Variants in HMGXB3 observed in about 807,000 individuals in gnomAD.
HMGXB3 encodes HMG-box containing 3.
Under a neutral mutation model 121.5 loss-of-function variants are expected in HMGXB3, and 45 were observed. That is an observed-to-expected ratio of 0.37 (90% CI 0.29 to 0.47). The LOEUF (loss-of-function observed/expected upper bound fraction) is 0.47, where lower values mean the gene tolerates loss of function less well. Among genes scored for constraint, HMGXB3 ranks in the 20% least tolerant of loss-of-function variants. HMGXB3 has a pLI of 0.99. For missense variants in HMGXB3, 1,376 were observed against 1,602.2 expected, an observed-to-expected ratio of 0.86 and a Z score of 2.41; for synonymous variants, 590 against 624.1, an observed-to-expected ratio of 0.95 and a Z score of 0.81.
chr5:150,045,145 T>C (rs1426450439), intron 15 of HMGXB3, among the ~76,000 whole-genome samples: 1 of 152,224 alleles, frequency 6.6e-6, no homozygotes, highest in Non-Finnish European at 1.5e-5. Flanking sequence ...TTACAAAGTG[T>C]CTGGCACATA....
intron 12 of HMGXB3, 39 bp from the exon 13 acceptor site, chr5:150,037,361 T>TC: frequency 6.7e-7 from 1 of 1,496,272 alleles, no homozygotes; most frequent in Non-Finnish European, 9.0e-7. Flanking sequence ...GAAGTCTCTT[T>TC]CCCTTCTTTT....
At position 150,052,358 on chromosome 5, in the gene HMGXB3, G is replaced by T. The variant is rs1480252319; in HGVS notation, c.*166G>T. 1.6e-6 allele frequency: 1 copy of T among 627,228 alleles called. No individual in the cohort carries two copies. The highest frequency in any genetic ancestry group is 2.8e-6 in the Non-Finnish European group (1 of 362,160). The allele number at this position is 627,228 out of a possible 1,614,324, so 38.9% of individuals were successfully genotyped here. ...ATTCCCTGAGCATGGTGGGACCCAG[G>T]GTCCTCAGTTCTCAACCCTCCAGGG... is the stretch of plus-strand genomic sequence containing the variant. On this transcript the variant is annotated 3_prime_UTR_variant, in exon 20 of 20. Transcript: ENST00000502717.
Position 150,047,344 on chromosome 5 carries a change from A to G in HMGXB3, c.2951-280A>G, listed in dbSNP as rs576845714. On this transcript the variant is annotated intron_variant, in intron 16 of 19. Coordinates refer to ENST00000502717, the MANE Select transcript of HMGXB3 (RefSeq NM_014983.3). Reference sequence around the variant, plus strand: ...TAAGCATCTGAGGTCTTGGTTCTGAAAAACCTTAGAAGACTGGATTAAAAG... The same window carrying G: ...TAAGCATCTGAGGTCTTGGTTCTGAGAAACCTTAGAAGACTGGATTAAAAG... 1.4e-5 allele frequency: 5 copies of G among 368,502 alleles called. No individual in the cohort carries two copies. The East Asian group carries it at 2.1e-4, about 16-fold the overall frequency. 22.8% of individuals were successfully genotyped at this position (368,502 alleles called of 1,614,324 possible).
At position 150,024,549 on chromosome 5, in the gene HMGXB3, C is replaced by T. The variant is rs745730520; in HGVS notation, c.1329C>T (p.Val443=). The T allele has an allele frequency of 8.4e-6, 13 of 1,551,558 alleles. No individual in the cohort carries two copies. The highest frequency in any genetic ancestry group is 3.6e-5 in the South Asian group (3 of 84,052). The change falls in exon 7 of 20, where the codon GTC becomes GTT. Residue 443 remains valine, a synonymous_variant. Coordinates refer to ENST00000502717, the MANE Select transcript of HMGXB3 (RefSeq NM_014983.3). ...NCGTAVTKTP[V]VKSGVQPEVT... is the part of the protein sequence containing the mutation. ...GTACAGCAGTCACTAAGACGCCAGT[C>T]GTCAAAAGTGGTGTGCAGCCTGAGG...
intron 10 of HMGXB3, 24 bp downstream of exon 10, chr5:150,030,863 T>G (rs761853427): frequency 2.8e-5 from 42 of 1,509,172 alleles, no homozygotes; most frequent in Middle Eastern, 1.7e-4. Context: ...TAGGTGGTGG[T>G]GGGTTGACAT....
Position 150,047,716 on chromosome 5 carries a change from C to G in HMGXB3, c.3043C>G (p.Leu1015Val). Reference sequence around the variant, plus strand: ...CAGTGAAGAGAAGCTGCAGCACCTGCTAAGGCAGTGTGGAATCCCCTTTGG... The same window carrying G: ...CAGTGAAGAGAAGCTGCAGCACCTGGTAAGGCAGTGTGGAATCCCCTTTGG... ...SYSEEKLQHLLRQCGIPFGAE... is the reference protein window; with the variant it reads ...SYSEEKLQHLVRQCGIPFGAE... Residue 1015 changes from leucine to valine, a missense_variant, in exon 17 of 20, where the codon CTA becomes GTA. Transcript: ENST00000502717. 1 of 1,551,786 alleles carries G rather than the reference C, an allele frequency of 6.4e-7. No individual in the cohort carries two copies. The highest frequency in any genetic ancestry group is 8.7e-7 in the Non-Finnish European group (1 of 1,146,992).
intron 1 of HMGXB3, among the ~76,000 whole-genome samples, chr5:150,002,387 A>G (rs1755593040): frequency 6.6e-6 from 1 of 152,228 alleles, no homozygotes; most frequent in Admixed American, 6.5e-5. Flanking sequence ...CTCTGAGATC[A>G]TAAGGTTAGA....
chr5:150,050,793 T>C (rs1201111131), intron 19 of HMGXB3, among the ~76,000 whole-genome samples: 3 of 152,158 alleles, frequency 2.0e-5, no homozygotes, highest in Admixed American at 2.0e-4. Flanking sequence ...CTCCGTAAGT[T>C]TTTACTGACC....
At chr5:150,005,700 T>C (rs1005178879) in intron 2 of HMGXB3, among the ~76,000 whole-genome samples, 1 of 152,082 alleles carries the variant, frequency 6.6e-6, no homozygotes, top group African/African-American at 2.4e-5. Flanking sequence ...CTAACTTCAC[T>C]CTTGACTGTG....
chr5:150,038,499 A>G lies in HMGXB3; in HGVS notation c.2413+972A>G, dbSNP rs534272546. Among the ~76,000 whole-genome samples, 8 of 152,366 alleles carry G rather than the reference A, an allele frequency of 5.3e-5. No individual in the cohort carries two copies. The East Asian group carries it at 1.3e-3, about 26-fold the overall frequency. The stretch of plus-strand genomic sequence containing the variant: ...AGTTAAGTGTGTTGCTCCAAGTTCC[A>G]TAAGTTCTGACAGATGCACTAAGTG... On this transcript the variant is annotated intron_variant, in intron 13 of 19. Coordinates refer to ENST00000502717, the MANE Select transcript of HMGXB3 (RefSeq NM_014983.3).
At position 150,010,027 on chromosome 5, in the gene HMGXB3, A is replaced by G. The variant is rs2113726553; in HGVS notation, c.313-84A>G. On this transcript the variant is annotated intron_variant, in intron 3 of 19. Coordinates refer to ENST00000502717, the MANE Select transcript of HMGXB3 (RefSeq NM_014983.3). ...TGCAGGAAAAAAAAAGAACTTACAC[A>G]TATATATATATCTTTCTCTCTCCAT... is the stretch of plus-strand genomic sequence containing the variant. 3 of 1,297,182 alleles carry G rather than the reference A, an allele frequency of 2.3e-6. No homozygotes were observed. In the South Asian group the frequency reaches 4.6e-5, roughly 20 times the overall value. 80.4% of individuals were successfully genotyped at this position (1,297,182 alleles called of 1,614,324 possible). A position where few individuals can be genotyped will look rare whatever the true frequency, so the allele number is the denominator to read the frequency against.
In HMGXB3 at chr5:150,036,679, C is replaced by T. The variant is rs763105939; in HGVS notation, c.2027C>T (p.Pro676Leu). Residue 676 changes from proline (P) to leucine (L), a missense_variant, in exon 12 of 20, where the codon CCC (proline) becomes CTC (leucine). Physicochemically the swap from Pro to Leu is moderately conservative, Grantham distance 98 (BLOSUM62 -3). Around this residue, in one of 2 missense-constraint regions of HMGXB3, gnomAD observed 1,116 missense variants for 1,369.0 expected, o/e 0.82. Coordinates refer to ENST00000502717, the MANE Select transcript of HMGXB3 (RefSeq NM_014983.3). ...PLPDVLNATE[P>L]LSTAQREIQR... ...CCAGATGTACTGAATGCCACAGAGCCCCTGAGCACAGCCCAGAGGGAGATC... is the reference window on the plus strand; with the variant it reads ...CCAGATGTACTGAATGCCACAGAGCTCCTGAGCACAGCCCAGAGGGAGATC... 30 of 1,550,556 alleles carry T rather than the reference C, an allele frequency of 1.9e-5. No homozygotes were observed. Among genetic ancestry groups the T allele is most frequent in the Non-Finnish European group, 2.5e-5 (29 of 1,146,924 alleles).
rs1484996581 is a variant in HMGXB3 at position 150,032,423 on chromosome 5, G to A, written c.1834-31G>A. Reference sequence around the variant, plus strand: ...TCTGCCCAGGTTTAACTTAATTTTTGTAGAATTGAACACTGGTCTTACTTT... The same window carrying A: ...TCTGCCCAGGTTTAACTTAATTTTTATAGAATTGAACACTGGTCTTACTTT... On this transcript the variant is annotated intron_variant, in intron 10 of 19. Transcript: ENST00000502717. 5 of 1,541,844 alleles carry A rather than the reference G, an allele frequency of 3.2e-6. No individual in the cohort carries two copies. In the South Asian group the frequency reaches 6.0e-5, roughly 18 times the overall value.
In HMGXB3 at chr5:150,026,840, G is replaced by T; in HGVS notation, c.1595G>T (p.Ser532Ile). The T allele has an allele frequency of 6.5e-7, 1 of 1,536,986 alleles. No individual in the cohort carries two copies. ...PAPVNVGRGS[S>I]MGLPRARQAF... ...CCAGTTAACGTGGGGCGAGGCAGCA[G>T]CATGGGACTGCCCAGGGCCAGGCAG... Residue 532 changes from serine to isoleucine, a missense_variant, in exon 8 of 20, where the codon AGC (serine) becomes ATC (isoleucine). Around this residue, in one of 2 missense-constraint regions of HMGXB3, gnomAD observed 1,116 missense variants for 1,369.0 expected, o/e 0.82. Transcript: ENST00000502717.
intron 1 of HMGXB3, 62 bp from the exon 2 acceptor site, chr5:150,004,781 TTGATCAGG>T: frequency 9.4e-7 from 1 of 1,067,440 alleles, no homozygotes. Flanking sequence ...AAGGGGTTAT[TTGATCAGG>T]AAGCTGCTGC....
chr5:150,047,586 C>T (rs768706745), intron 16 of HMGXB3, 38 bp from the exon 17 acceptor site: 32 of 1,549,690 alleles, frequency 2.1e-5, no homozygotes, highest in Non-Finnish European at 2.8e-5. Flanking sequence ...TGGTGACTGG[C>T]GGCAGCACCC....
chr5:150,024,814 A>G, intron 7 of HMGXB3, 134 bp downstream of exon 7: 5 of 722,088 alleles, frequency 6.9e-6, no homozygotes, highest in Non-Finnish European at 1.1e-5. Flanking sequence ...ACAGAAACCA[A>G]GGCCTAGAGA....
At chr5:150,021,422 T>C (rs1384807623) in intron 6 of HMGXB3, 1 of 186,114 alleles carries the variant, frequency 5.4e-6, no homozygotes, top group African/African-American at 2.4e-5. Flanking sequence ...CTGTGCTGTT[T>C]AGCTGCAGAA....
intron 5 of HMGXB3, among the ~76,000 whole-genome samples, chr5:150,013,930 G>A (rs1459148953): frequency 1.3e-5 from 2 of 152,204 alleles, no homozygotes; most frequent in Non-Finnish European, 2.9e-5. Flanking sequence ...GGCCACTTCT[G>A]GTTAAGGCCA....
Sources: allele counts gnomAD v4.1 joint callset (sites outside exome capture counted in the v4.1 genomes callset), GRCh38; gene constraint gnomAD v4.1.1; regional missense constraint gnomAD v4.1.1; transcripts MANE v1.5; gene names NCBI Gene and HGNC (gene_info 2026-07-23, HGNC 2026-07-21).